Variants in GRIA3 observed in about 807,000 individuals in gnomAD.
GRIA3 encodes glutamate ionotropic receptor AMPA type subunit 3, also known as glutamate receptor 3.
Under a neutral mutation model 63.0 loss-of-function variants are expected in GRIA3, and 3 were observed. The observed-to-expected ratio is 0.05, with a 90% confidence interval of 0.02 to 0.12. GRIA3 has a LOEUF of 0.12. GRIA3 is among the 10% of genes least tolerant of loss of function. The pLI is 1.00. For synonymous variants in GRIA3, 274 were observed against 257.9 expected, an observed-to-expected ratio of 1.06 and a Z score of -0.60; for missense variants, 347 against 700.9, an observed-to-expected ratio of 0.50 and a Z score of 5.70.
intron 5 of GRIA3, among the ~76,000 whole-genome samples, chrX:123,376,340 T>A (rs367904262): frequency 8.9e-6 from 1 of 112,046 alleles, no homozygotes. Flanking sequence ...AGAAAAAAAA[T>A]TGGGCTTTCA....
At chrX:123,456,685 GA>G (rs1386264830) in intron 12 of GRIA3, among the ~76,000 whole-genome samples, 1 of 111,536 alleles carries the variant, frequency 9.0e-6, no homozygotes, top group Non-Finnish European at 1.9e-5. Context: ...AGGAGGAAAA[GA>G]GGGGGAGGTC....
chrX:123,362,734 GA>G lies in GRIA3; in HGVS notation c.750+7772del, dbSNP rs2045184798. Among the ~76,000 whole-genome samples the G allele has an allele frequency of 2.7e-5, 3 of 110,327 alleles. No homozygotes were observed. In the South Asian group the frequency reaches 1.2e-3, roughly 43 times the overall value. On this transcript the variant is annotated intron_variant, in intron 5 of 15. Transcript: ENST00000620443. ...TGTTAGTAAAAAAAAAAAAGAGAGA[GA>G]GAGAGAGAGAGATCAGTGGCTATTT...
At chrX:123,268,781 T>C (rs1255628243) in intron 3 of GRIA3, among the ~76,000 whole-genome samples, 1 of 111,860 alleles carries the variant, frequency 8.9e-6, no homozygotes, top group African/African-American at 3.2e-5. Context: ...ATCTAAAGGC[T>C]AGCCCCAGAT....
At chrX:123,201,192 T>A (rs1053383900) in intron 2 of GRIA3, among the ~76,000 whole-genome samples, 1 of 112,351 alleles carries the variant, frequency 8.9e-6, no homozygotes, top group Non-Finnish European at 1.9e-5. Flanking sequence ...TCTCTGCTAT[T>A]ATCTAGCCCT....
intron 13 of GRIA3, among the ~76,000 whole-genome samples, chrX:123,466,123 G>A (rs768906942): frequency 4.5e-5 from 5 of 111,720 alleles, no homozygotes; most frequent in Admixed American, 2.8e-4. Context: ...GACTGTCCCC[G>A]CCTGCCTCAG....
intron 2 of GRIA3, among the ~76,000 whole-genome samples, chrX:123,214,843 T>C (rs1283774864): frequency 1.8e-5 from 2 of 112,037 alleles, no homozygotes. Context: ...CGCAACAGTG[T>C]TTCTCTAAGT....
At position 123,260,801 on chromosome X, in the gene GRIA3, T is replaced by C. The variant is rs1175914263; in HGVS notation, c.508+7259T>C. ...CCTGTTTGAGCAGCAATAATCAGGG[T>C]TGACAGTACCTGAGACATTTGGTAG... is the stretch of plus-strand genomic sequence containing the variant. On this transcript the variant is annotated intron_variant, in intron 3 of 15. Coordinates refer to ENST00000620443, the MANE Select transcript of GRIA3 (RefSeq NM_007325.5). 5.5e-5 allele frequency among the ~76,000 whole-genome samples: 6 copies of C among 110,008 alleles called. No homozygotes were observed. In the Admixed American group the frequency reaches 5.8e-4, roughly 11 times the overall value.
chrX:123,357,592 T>C (rs1433052198), intron 5 of GRIA3, among the ~76,000 whole-genome samples: 1 of 109,346 alleles, frequency 9.1e-6, no homozygotes, highest in Admixed American at 1.0e-4. Context: ...TTAAATCAGC[T>C]TTTATTGCAA....
chrX:123,218,833 A>G (rs1458722913), intron 2 of GRIA3, among the ~76,000 whole-genome samples: 1 of 111,433 alleles, frequency 9.0e-6, no homozygotes, highest in Non-Finnish European at 1.9e-5. Context: ...CTCCCATCAC[A>G]AGAATCTTTC....
At chrX:123,253,128 A>G (rs1224078650) in intron 2 of GRIA3, among the ~76,000 whole-genome samples, 175 bp from the exon 3 acceptor site, 1 of 111,479 alleles carries the variant, frequency 9.0e-6, no homozygotes, top group Non-Finnish European at 1.9e-5. Flanking sequence ...TACCTGTATC[A>G]AATTAATTCT....
chrX:123,320,983 A>C lies in GRIA3; in HGVS notation c.509-5043A>C, dbSNP rs964542059. Among the ~76,000 whole-genome samples, 24 of 111,875 alleles carry C rather than the reference A, an allele frequency of 2.1e-4. 1 individual carries two copies. Among genetic ancestry groups the C allele is most frequent in the Non-Finnish European group, 3.2e-4 (17 of 53,162 alleles). On this transcript the variant is annotated intron_variant, in intron 3 of 15. Coordinates refer to ENST00000620443, the MANE Select transcript of GRIA3 (RefSeq NM_007325.5). ...GTCTAAGCTATTGGGCTTCCATAAA[A>C]ATTTCATTTGAAAAGAGTTACACAG...
intron 4 of GRIA3, among the ~76,000 whole-genome samples, chrX:123,330,082 G>A (rs12007995): frequency 0.034 from 3,820 of 111,432 alleles, 154 homozygotes; most frequent in African/African-American, 0.12. Flanking sequence ...CCATTTTTTC[G>A]TAGTAAAGTG....
intron 2 of GRIA3, among the ~76,000 whole-genome samples, chrX:123,226,786 T>C (rs2044249946): frequency 9.0e-6 from 1 of 111,586 alleles, no homozygotes; most frequent in African/African-American, 3.3e-5. Context: ...AAAAGAACAA[T>C]ACAATATGCA....
intron 2 of GRIA3, among the ~76,000 whole-genome samples, chrX:123,250,516 T>A (rs1009624176): frequency 8.9e-6 from 1 of 111,958 alleles, no homozygotes; most frequent in Non-Finnish European, 1.9e-5. Context: ...TTGCCCATAA[T>A]CTAGTCAGGT....
At chrX:123,382,165 C>A (rs903590634) in intron 5 of GRIA3, among the ~76,000 whole-genome samples, 7 of 112,189 alleles carry the variant, frequency 6.2e-5, no homozygotes. Flanking sequence ...CCTTTCATCT[C>A]CCTAAACACC....
chrX:123,338,962 G>T (rs776742844), intron 4 of GRIA3, among the ~76,000 whole-genome samples: 10 of 112,276 alleles, frequency 8.9e-5, no homozygotes, highest in African/African-American at 2.9e-4. Context: ...AGACAAAGCT[G>T]TTCAGTCTAC....
intron 11 of GRIA3, among the ~76,000 whole-genome samples, chrX:123,427,381 G>A (rs2045595182): frequency 9.0e-6 from 1 of 111,019 alleles, no homozygotes; most frequent in East Asian, 2.8e-4. Flanking sequence ...TGGTGGGCCT[G>A]GGCATGAGTT....
At chrX:123,273,896 G>T (rs2044538630) in intron 3 of GRIA3, among the ~76,000 whole-genome samples, 1 of 111,881 alleles carries the variant, frequency 8.9e-6, no homozygotes, top group Non-Finnish European at 1.9e-5. Context: ...CTGATTAATG[G>T]CTCAATATGC....
chrX:123,254,393 G>A (rs902406129), intron 3 of GRIA3, among the ~76,000 whole-genome samples: 1 of 111,391 alleles, frequency 9.0e-6, no homozygotes, highest in African/African-American at 3.3e-5. Context: ...TGTCTTTGAC[G>A]GGTTCCTTGG....
Sources: allele counts gnomAD v4.1 joint callset (sites outside exome capture counted in the v4.1 genomes callset), GRCh38; gene constraint gnomAD v4.1.1; transcripts MANE v1.5; gene names NCBI Gene and HGNC (gene_info 2026-07-23, HGNC 2026-07-21).